Variants in NUP153 observed in about 807,000 individuals in gnomAD.
The protein encoded by NUP153 is nuclear pore complex protein Nup153.
In NUP153, 27 loss-of-function variants were observed where a neutral mutation model predicts 134.6. That is an observed-to-expected ratio of 0.20 (90% CI 0.15 to 0.28). The LOEUF is 0.28. Ranked by LOEUF, NUP153 falls within the 10% of genes least tolerant of loss-of-function variation. The pLI is 1.00. For missense variants in NUP153, 1,821 were observed against 1,731.3 expected (o/e 1.05, Z -0.92); for synonymous variants, 640 against 623.5 (o/e 1.03, Z -0.40).
At position 17,669,337 on chromosome 6, in the gene NUP153, C is replaced by A. The variant is rs1459606235; in HGVS notation, c.970G>T (p.Asp324Tyr). Residue 324 changes from aspartate to tyrosine, a missense_variant and splice_region_variant, in exon 7 of 22, where the codon GAT (aspartate) becomes TAT (tyrosine). Coordinates refer to ENST00000262077, the MANE Select transcript of NUP153 (RefSeq NM_005124.4). ...ACAATGGATGGAATTCTTTTTGCAT[C>A]CTGTTAAAGTTGAAAAAATAACAAA... The part of the protein sequence containing the change: ...SLEKMSSPLA[D>Y]AKRIPSIVSS... The A allele has an allele frequency of 1.2e-6, 2 of 1,609,364 alleles. No individual in the cohort carries two copies. Among genetic ancestry groups the A allele is most frequent in the Non-Finnish European group, 8.5e-7 (1 of 1,176,236 alleles).
rs1444871238 is a variant in NUP153 at position 17,625,975 on chromosome 6, T to C, written c.3734A>G (p.Glu1245Gly). ...VSSSAFGNTAESSTSQSLLFS... is the reference protein window; with the variant it reads ...VSSSAFGNTAGSSTSQSLLFS... Reference sequence around the variant, plus strand: ...TAGCAAAGACTGAGAGGTGCTGGATTCAGCAGTGTTACCAAAGGCAGAGCT... The same window carrying C: ...TAGCAAAGACTGAGAGGTGCTGGATCCAGCAGTGTTACCAAAGGCAGAGCT... The change falls in exon 19 of 22, where the codon GAA (glutamate) becomes GGA (glycine). Residue 1245 changes from glutamate to glycine, a missense_variant. Coordinates refer to ENST00000262077, the MANE Select transcript of NUP153 (RefSeq NM_005124.4). This position sits in a 1 kb window ranked among gnomAD's most constrained non-coding sequence, Gnocchi z 4.7. The C allele has an allele frequency of 1.2e-6, 2 of 1,614,072 alleles. No homozygotes were observed. Among genetic ancestry groups the C allele is most frequent in the Non-Finnish European group, 1.7e-6 (2 of 1,180,048 alleles).
chr6:17,627,995 G>C (rs1390097249), intron 18 of NUP153, among the ~76,000 whole-genome samples: 1 of 152,126 alleles, frequency 6.6e-6, no homozygotes, highest in East Asian at 1.9e-4. Context: ...AAAGGAACTT[G>C]TGGATCTAAC....
chr6:17,682,473 T>C (rs1214196765), intron 2 of NUP153, among the ~76,000 whole-genome samples: 5 of 152,208 alleles, frequency 3.3e-5, no homozygotes, highest in Admixed American at 3.3e-4. Flanking sequence ...GCAATGTTTT[T>C]GATAGCATTC....
Position 17,706,621 on chromosome 6 carries a change from G to A in NUP153, c.-234C>T. 3 of 567,428 alleles carry A rather than the reference G, an allele frequency of 5.3e-6. No individual in the cohort carries two copies. The highest frequency in any genetic ancestry group is 9.3e-6 in the Non-Finnish European group (3 of 321,632). 35.1% of individuals were successfully genotyped at this position (567,428 alleles called of 1,614,324 possible). On this transcript the variant is annotated 5_prime_UTR_variant, in exon 1 of 22. Coordinates refer to ENST00000262077, the MANE Select transcript of NUP153 (RefSeq NM_005124.4). The surrounding 1 kb of genome is among the most constrained non-coding windows in gnomAD (Gnocchi z 5.9). Reference sequence around the variant, plus strand: ...CGGCCGCAGAGGCCGAGGAGGCTCCGGTCCGGCCGCCTCTGCGGACCCCCG... The same window carrying A: ...CGGCCGCAGAGGCCGAGGAGGCTCCAGTCCGGCCGCCTCTGCGGACCCCCG...
rs1764890738 is a variant in NUP153 at position 17,625,583 on chromosome 6, T to C, written c.3901+225A>G. On this transcript the variant is annotated intron_variant, in intron 19 of 21. Transcript: ENST00000262077. The surrounding 1 kb of genome is among the most constrained non-coding windows in gnomAD (Gnocchi z 4.7). ...TTAGAAAAATTAAGTATTACACTCT[T>C]ACCACAATTAGAAAAATTGCTCCCA... Among the ~76,000 whole-genome samples the C allele has an allele frequency of 6.6e-6, 1 of 152,130 alleles. No individual in the cohort carries two copies.
chr6:17,625,784 G>T lies in NUP153; in HGVS notation c.3901+24C>A. 6.6e-7 allele frequency: 1 copy of T among 1,522,738 alleles called. No individual in the cohort carries two copies. The highest frequency in any genetic ancestry group is 9.1e-7 in the Non-Finnish European group (1 of 1,098,908). The allele number at this position is 1,522,738 out of a possible 1,614,324, so 94.3% of individuals were successfully genotyped here. ...TAAGTAAAGTCCATCCAATTACAAT[G>T]CATTTTTTCTTTTGTAAATGTACCT... On this transcript the variant is annotated intron_variant, in intron 19 of 21. Transcript: ENST00000262077. This position sits in a 1 kb window ranked among gnomAD's most constrained non-coding sequence, Gnocchi z 4.7.
intron 11 of NUP153, among the ~76,000 whole-genome samples, chr6:17,659,324 T>C (rs1344620655): frequency 1.3e-5 from 2 of 152,252 alleles, no homozygotes; most frequent in Non-Finnish European, 2.9e-5. Flanking sequence ...AATGTGTTGA[T>C]TGTAGTGGTT....
At chr6:17,698,989 T>C (rs1217497637) in intron 1 of NUP153, among the ~76,000 whole-genome samples, 2 of 152,088 alleles carry the variant, frequency 1.3e-5, no homozygotes, top group African/African-American at 2.4e-5. Flanking sequence ...GAGTAAGAGT[T>C]TGTTTCTTAA....
intron 2 of NUP153, 98 bp downstream of exon 2, chr6:17,688,298 A>C (rs1000383836): frequency 1.2e-6 from 1 of 822,104 alleles, no homozygotes; most frequent in Non-Finnish European, 2.0e-6. Flanking sequence ...CATATGGTTT[A>C]TGTACCGCCT....
chr6:17,670,079 G>A (rs924732079), intron 5 of NUP153, among the ~76,000 whole-genome samples: 3 of 118,656 alleles, frequency 2.5e-5, no homozygotes, highest in Non-Finnish European at 3.3e-5. Context: ...CTGGGCAACA[G>A]AGCGAGACTC....
chr6:17,701,325 C>T (rs1230195351), intron 1 of NUP153, among the ~76,000 whole-genome samples: 2 of 151,816 alleles, frequency 1.3e-5, no homozygotes, highest in Non-Finnish European at 2.9e-5. Context: ...GTGAGGAGTT[C>T]GAGACCAGCC....
chr6:17,676,188 C>T (rs1254464071), intron 2 of NUP153, among the ~76,000 whole-genome samples: 1 of 152,166 alleles, frequency 6.6e-6, no homozygotes, highest in African/African-American at 2.4e-5. Flanking sequence ...CTAATCTTGA[C>T]TCCCATCTGA....
At chr6:17,665,192 T>C (rs1345560609) in intron 9 of NUP153, 47 bp downstream of exon 9, 1 of 1,422,522 alleles carries the variant, frequency 7.0e-7, no homozygotes, top group South Asian at 1.2e-5. Context: ...TAGTCTTACT[T>C]ATTCTAATCA....
Position 17,675,825 on chromosome 6 carries a change from A to G in NUP153, c.335-55T>C, listed in dbSNP as rs1307632549. The G allele has an allele frequency of 1.3e-6, 2 of 1,545,730 alleles. No homozygotes were observed. Among genetic ancestry groups the G allele is most frequent in the East Asian group, 4.5e-5 (2 of 44,560 alleles). On this transcript the variant is annotated intron_variant, in intron 2 of 21. Transcript: ENST00000262077. The surrounding 1 kb of genome is among the most constrained non-coding windows in gnomAD (Gnocchi z 4.4). ...ATACAACTTAGAGCGATACACTACC[A>G]CAAATGGTTTTTACTTTAAGAAAAC...
At chr6:17,690,178 G>A (rs563269791) in intron 1 of NUP153, among the ~76,000 whole-genome samples, 39 of 148,536 alleles carry the variant, frequency 2.6e-4, no homozygotes, top group Middle Eastern at 3.4e-3. Context: ...CAGTGAAACC[G>A]CGTCTCTACT....
At chr6:17,672,194 G>A (rs1363514502) in intron 5 of NUP153, among the ~76,000 whole-genome samples, 1 of 150,580 alleles carries the variant, frequency 6.6e-6, no homozygotes, top group Non-Finnish European at 1.5e-5. Flanking sequence ...AGACAGTGCA[G>A]TTGGCAAAAG....
At chr6:17,626,277 T>TA (rs758391340) in intron 18 of NUP153, 113 bp from the exon 19 acceptor site, 3 of 717,966 alleles carry the variant, frequency 4.2e-6, no homozygotes, top group Non-Finnish European at 4.7e-6. Context: ...CGCTAGAAAA[T>TA]AGATTTTTTA....
At chr6:17,654,757 G>A (rs1390243735) in intron 11 of NUP153, among the ~76,000 whole-genome samples, 2 of 152,154 alleles carry the variant, frequency 1.3e-5, no homozygotes, top group Non-Finnish European at 1.5e-5. Context: ...ATCTCAAGTA[G>A]AACACACATT....
intron 1 of NUP153, among the ~76,000 whole-genome samples, chr6:17,695,207 G>A (rs1027292879): frequency 6.6e-6 from 1 of 152,134 alleles, no homozygotes; most frequent in African/African-American, 2.4e-5. Flanking sequence ...TAGTTCTGTA[G>A]TTTATATATC....
Sources: allele counts gnomAD v4.1 joint callset (sites outside exome capture counted in the v4.1 genomes callset), GRCh38; gene constraint gnomAD v4.1.1; non-coding constraint Gnocchi (gnomAD v3.1); transcripts MANE v1.5; gene names NCBI Gene and HGNC (gene_info 2026-07-23, HGNC 2026-07-21).